The following EXT1 variants were observed in gnomAD, a reference collection of about 807,000 sequenced individuals.
EXT1 encodes the protein exostosin-1.
EXT1 carries 20 observed loss-of-function variants against 82.5 expected under a neutral mutation model. The observed-to-expected ratio is 0.24, with a 90% CI of 0.17 to 0.35. The LOEUF (loss-of-function observed/expected upper bound fraction) is 0.35, where lower values mean the gene tolerates loss of function less well. EXT1 is among the 10% of genes least tolerant of loss of function. The pLI is 1.00. For missense variants in EXT1, 757 were observed against 936.5 expected (o/e 0.81, Z 2.50); for synonymous variants, 348 against 350.8 (o/e 0.99, Z 0.09).
chr8:117,938,473 CAATAAT>C (rs1311880270), intron 1 of EXT1, among the ~76,000 whole-genome samples: 1 of 150,184 alleles, frequency 6.7e-6, no homozygotes, highest in African/African-American at 2.5e-5. Context: ...AAAATAATAA[CAATAAT>C]AATAATAATA....
intron 1 of EXT1, among the ~76,000 whole-genome samples, chr8:117,852,859 A>G (rs1812480005): frequency 6.6e-6 from 1 of 152,196 alleles, no homozygotes; most frequent in African/African-American, 2.4e-5. Context: ...AGAATTATGG[A>G]ATTCACTGTC....
Position 117,908,568 on chromosome 8 carries a change from T to C in EXT1, c.963-71367A>G, listed in dbSNP as rs183530711. Among the ~76,000 whole-genome samples, 133 of 151,978 alleles carry C rather than the reference T, an allele frequency of 8.8e-4. 1 individual carries two copies. Among genetic ancestry groups the C allele is most frequent in the Non-Finnish European group, 1.3e-3 (86 of 67,966 alleles). On this transcript the variant is annotated intron_variant, in intron 1 of 10. Coordinates refer to ENST00000378204, the MANE Select transcript of EXT1 (RefSeq NM_000127.3). ...TCACTTGAACTCGGGAGGCAGAGGT[T>C]GCAGTGAGCCAAGATCGTGTCACTG...
rs1586279681 is a variant in EXT1 at position 118,110,525 on chromosome 8, C to G, written c.522G>C (p.Leu174Phe). The G allele has an allele frequency of 6.2e-7, 1 of 1,614,144 alleles. No individual in the cohort carries two copies. The highest frequency in any genetic ancestry group is 8.5e-7 in the Non-Finnish European group (1 of 1,180,026). Reference protein sequence around the residue: ...DQLSPQYVHNLRSKVQSLHLW... With the variant: ...DQLSPQYVHNFRSKVQSLHLW... ...AGTGGAGACTCTGCACTTTGGATCT[C>G]AAATTGTGCACATACTGAGGTGACA... The change falls in exon 1 of 11, where the codon TTG becomes TTC. Residue 174 changes from leucine to phenylalanine, a missense_variant. This residue lies in a region of EXT1 where 247 missense variants were observed against 330.1 expected (regional missense o/e 0.75). Coordinates refer to ENST00000378204, the MANE Select transcript of EXT1 (RefSeq NM_000127.3).
At chr8:118,027,267 G>A (rs1421089731) in intron 1 of EXT1, among the ~76,000 whole-genome samples, 2 of 151,424 alleles carry the variant, frequency 1.3e-5, no homozygotes, top group Non-Finnish European at 2.9e-5. Context: ...CAGACTTCCA[G>A]GTTCCTGTTT....
intron 1 of EXT1, among the ~76,000 whole-genome samples, chr8:117,860,463 T>C (rs993836990): frequency 5.9e-5 from 9 of 152,218 alleles, no homozygotes; most frequent in Non-Finnish European, 1.3e-4. Flanking sequence ...CTATGCAGTA[T>C]GTCCATGTCA....
chr8:118,006,391 T>C (rs1275092714), intron 1 of EXT1, among the ~76,000 whole-genome samples: 1 of 152,182 alleles, frequency 6.6e-6, no homozygotes, highest in Non-Finnish European at 1.5e-5. Flanking sequence ...TAAAGGAGTA[T>C]AGTGTTTGAG....
intron 1 of EXT1, among the ~76,000 whole-genome samples, chr8:117,950,166 G>C (rs1248834245): frequency 6.6e-6 from 1 of 152,140 alleles, no homozygotes; most frequent in Non-Finnish European, 1.5e-5. Flanking sequence ...GCTTGAACTT[G>C]GGAAGTGGAG....
At chr8:118,051,897 A>G (rs1453068707) in intron 1 of EXT1, among the ~76,000 whole-genome samples, 1 of 152,194 alleles carries the variant, frequency 6.6e-6, no homozygotes, top group Non-Finnish European at 1.5e-5. Context: ...CTCATTTTGA[A>G]GTCAGGCGTG....
rs1823083208 is a variant in EXT1, at chr8:117,795,930, A to G, written c.*3782T>C. 1 of 152,160 alleles carries G rather than the reference A, an allele frequency of 6.6e-6. No homozygotes were observed. The highest frequency in any genetic ancestry group is 2.4e-5 in the African/African-American group (1 of 41,450). 9.4% of individuals were successfully genotyped at this position (152,160 alleles called of 1,614,324 possible). On this transcript the variant is annotated 3_prime_UTR_variant, in exon 11 of 11. Transcript: ENST00000378204. ...TTTGCTGAGAACTCAACTCAAAACA[A>G]CTTTGTCCCTGTAAGCATGCCTGAG...
chr8:117,984,031 G>C (rs947550890), intron 1 of EXT1, among the ~76,000 whole-genome samples: 1 of 152,198 alleles, frequency 6.6e-6, no homozygotes, highest in African/African-American at 2.4e-5. Flanking sequence ...GCTAAAGCTA[G>C]ATAGATTAAC....
chr8:118,090,671 C>T (rs562917401), intron 1 of EXT1, among the ~76,000 whole-genome samples: 107 of 146,472 alleles, frequency 7.3e-4, no homozygotes, highest in Non-Finnish European at 1.4e-3. Context: ...CCCAGCTACT[C>T]GGGAAGCTGA....
At chr8:117,868,759 C>A (rs1812816788) in intron 1 of EXT1, among the ~76,000 whole-genome samples, 1 of 152,114 alleles carries the variant, frequency 6.6e-6, no homozygotes, top group African/African-American at 2.4e-5. Flanking sequence ...GTAGTATCTG[C>A]AGTAGAGGTA....
intron 1 of EXT1, among the ~76,000 whole-genome samples, chr8:117,995,396 T>A (rs1490762854): frequency 6.6e-6 from 1 of 152,216 alleles, no homozygotes; most frequent in Admixed American, 6.5e-5. Flanking sequence ...TTGTCTGTAA[T>A]TCATCAATGA....
At chr8:117,863,550 T>C (rs1252287121) in intron 1 of EXT1, among the ~76,000 whole-genome samples, 1 of 151,994 alleles carries the variant, frequency 6.6e-6, no homozygotes, top group East Asian at 1.9e-4. Flanking sequence ...AGATTTATCA[T>C]ATGTCCTGAT....
intron 1 of EXT1, among the ~76,000 whole-genome samples, chr8:117,999,701 T>A (rs1815619551): frequency 6.6e-6 from 1 of 152,194 alleles, no homozygotes; most frequent in South Asian, 2.1e-4. Flanking sequence ...TAGTTTTTAA[T>A]CTGTAGGCCT....
At chr8:118,109,447 ATGCATGCATG>A (rs1390623073) in intron 1 of EXT1, among the ~76,000 whole-genome samples, 1 of 28,006 alleles carries the variant, frequency 3.6e-5, no homozygotes, top group Non-Finnish European at 1.1e-4. Flanking sequence ...GAATGAATGC[ATGCATGCATG>A]CATGCATGCA....
At chr8:117,892,818 A>G (rs1813269471) in intron 1 of EXT1, among the ~76,000 whole-genome samples, 1 of 152,226 alleles carries the variant, frequency 6.6e-6, no homozygotes. Context: ...GGATGTGCAG[A>G]TGAGTTGGCT....
Position 117,830,334 on chromosome 8 carries a change from T to C in EXT1, c.1180A>G (p.Arg394Gly), listed in dbSNP as rs1014256212. ...RLLLQIPSTIRSIHQDKILAL... is the reference protein window; with the variant it reads ...RLLLQIPSTIGSIHQDKILAL... Reference sequence around the variant, plus strand: ...AGGATTTTATCCTGATGAATAGACCTGATTGTAGAAGGAATCTGTAACACA... The same window carrying C: ...AGGATTTTATCCTGATGAATAGACCCGATTGTAGAAGGAATCTGTAACACA... The change falls in exon 4 of 11, where the codon AGG (arginine) becomes GGG (glycine). Residue 394 changes from arginine (R) to glycine (G), a missense_variant. By Grantham distance (125) the Arg-to-Gly change is moderately radical. Transcript: ENST00000378204. 3 of 1,613,938 alleles carry C rather than the reference T, an allele frequency of 1.9e-6. No individual in the cohort carries two copies. The highest frequency in any genetic ancestry group is 2.5e-6 in the Non-Finnish European group (3 of 1,179,964).
chr8:117,823,701 C>T (rs1811961966), intron 4 of EXT1, among the ~76,000 whole-genome samples: 1 of 152,094 alleles, frequency 6.6e-6, no homozygotes, highest in African/African-American at 2.4e-5. Flanking sequence ...AAGTGGGCTA[C>T]ATTTATCTTT....
Sources: gnomAD v4.1 joint callset for allele counts (sites outside exome capture counted in the v4.1 genomes callset) on GRCh38, gnomAD v4.1.1 for gene constraint, gnomAD v4.1.1 regional missense constraint, MANE v1.5 for transcripts, NCBI Gene and HGNC (gene_info 2026-07-23, HGNC 2026-07-21) for gene names.